The following SLC9C1 variants were observed in gnomAD, a reference collection of about 807,000 sequenced individuals.
SLC9C1 encodes the protein solute carrier family 9 member C1, also known as sodium/hydrogen exchanger 10.
Under a neutral mutation model 140.9 loss-of-function variants are expected in SLC9C1, and 97 were observed. The ratio of observed to expected loss-of-function variants is 0.69; its 90% CI spans 0.58 to 0.82. The LOEUF (loss-of-function observed/expected upper bound fraction) is 0.82. SLC9C1 is among the 40% of genes least tolerant of loss of function. SLC9C1 has a pLI of 0.00. For synonymous variants in SLC9C1, 440 were observed against 442.6 expected, an observed-to-expected ratio of 0.99 and a Z score of 0.07; for missense variants, 1,340 against 1,389.3, an observed-to-expected ratio of 0.96 and a Z score of 0.56.
At chr3:112,166,699 T>A (rs2077144154) in intron 26 of SLC9C1, among the ~76,000 whole-genome samples, 1 of 152,122 alleles carries the variant, frequency 6.6e-6, no homozygotes, top group Admixed American at 6.5e-5. Context: ...CAATAATTTT[T>A]AAATTTTTAA....
Position 112,280,787 on chromosome 3 carries a change from C to CA in SLC9C1, c.89-5dup. The CA allele has an allele frequency of 6.2e-7, 1 of 1,606,090 alleles. No homozygotes were observed. Among genetic ancestry groups the CA allele is most frequent in the East Asian group, 2.2e-5 (1 of 44,774 alleles). ...TCCAAGTGCCGGTTCAAAAATGCTG[C>CA]AAAAAATATGTTGTTACTGAAAGGC... is the stretch of plus-strand genomic sequence containing the variant. On this transcript the variant is annotated splice_region_variant and splice_polypyrimidine_tract_variant and intron_variant, in intron 2 of 28. Coordinates refer to ENST00000305815, the MANE Select transcript of SLC9C1 (RefSeq NM_183061.3).
At chr3:112,197,866 G>A (rs2077806348) in intron 20 of SLC9C1, among the ~76,000 whole-genome samples, 1 of 152,078 alleles carries the variant, frequency 6.6e-6, no homozygotes, top group Admixed American at 6.6e-5. Context: ...GATGATTCAT[G>A]CCTTAGATAT....
intron 12 of SLC9C1, among the ~76,000 whole-genome samples, chr3:112,233,093 G>A (rs914480623): frequency 1.5e-5 from 2 of 130,306 alleles, no homozygotes; most frequent in Non-Finnish European, 3.2e-5. Context: ...TTTTAAGAAA[G>A]GGTATCTCTT....
chr3:112,153,718 A>G (rs1157715984), intron 27 of SLC9C1, among the ~76,000 whole-genome samples: 1 of 152,188 alleles, frequency 6.6e-6, no homozygotes, highest in Admixed American at 6.6e-5. Context: ...AGATGAAAAA[A>G]TGATGCTTAT....
rs144629803 is a variant in SLC9C1, at chr3:112,187,279, T to C, written c.2524-5021A>G. ...AAGTGAGTAAAGATTTATTTTAATC[T>C]TTCATTATTCTCCCTTCTGTTATTT... On this transcript the variant is annotated intron_variant, in intron 20 of 28. Transcript: ENST00000305815. Among the ~76,000 whole-genome samples, 643 of 152,314 alleles carry C rather than the reference T, an allele frequency of 4.2e-3. 1 individual carries two copies. The highest frequency in any genetic ancestry group is 6.6e-3 in the Non-Finnish European group (449 of 68,004).
intron 12 of SLC9C1, among the ~76,000 whole-genome samples, chr3:112,237,348 C>T (rs2079016910): frequency 6.6e-6 from 1 of 151,550 alleles, no homozygotes; most frequent in Non-Finnish European, 1.5e-5. Flanking sequence ...TATTTTGAGC[C>T]TATGTGCACG....
chr3:112,254,376 C>G (rs2079545909), intron 10 of SLC9C1, among the ~76,000 whole-genome samples: 1 of 152,136 alleles, frequency 6.6e-6, no homozygotes, highest in African/African-American at 2.4e-5. Flanking sequence ...CCCCATCAGG[C>G]TAACAGTGGA....
intron 23 of SLC9C1, among the ~76,000 whole-genome samples, chr3:112,171,427 A>C (rs1396550775): frequency 4.6e-5 from 7 of 152,264 alleles, no homozygotes; most frequent in South Asian, 4.1e-4. Context: ...GTGTCTGTTC[A>C]CATTCTTTGC....
intron 22 of SLC9C1, 76 bp from the exon 23 acceptor site, chr3:112,179,777 C>G: frequency 7.6e-7 from 1 of 1,308,966 alleles, no homozygotes; most frequent in Non-Finnish European, 1.0e-6. Flanking sequence ...ATGACTTTTT[C>G]CACTTTGGTT....
chr3:112,214,147 T>G (rs1383490132), intron 15 of SLC9C1, among the ~76,000 whole-genome samples: 3 of 152,186 alleles, frequency 2.0e-5, no homozygotes, highest in Non-Finnish European at 4.4e-5. Flanking sequence ...ATAAAGATGT[T>G]CTTTGAAACC....
chr3:112,208,060 A>C, intron 16 of SLC9C1, 118 bp downstream of exon 16: 1 of 753,036 alleles, frequency 1.3e-6, no homozygotes, highest in Non-Finnish European at 2.0e-6. Flanking sequence ...TGGAGACGTG[A>C]GGAAGAAATT....
intron 28 of SLC9C1, among the ~76,000 whole-genome samples, chr3:112,143,819 C>G (rs748366416): frequency 6.6e-6 from 1 of 152,190 alleles, no homozygotes; most frequent in African/African-American, 2.4e-5. Context: ...AGGCCAGTGT[C>G]GAGAATAGTG....
chr3:112,204,963 C>G (rs192417916), intron 16 of SLC9C1, among the ~76,000 whole-genome samples: 1 of 152,018 alleles, frequency 6.6e-6, no homozygotes, highest in African/African-American at 2.4e-5. Flanking sequence ...TCTGGGATAA[C>G]GCAGAATAAG....
chr3:112,264,142 A>G (rs2079852331), intron 9 of SLC9C1, 58 bp downstream of exon 9: 10 of 788,370 alleles, frequency 1.3e-5, no homozygotes, highest in Admixed American at 9.3e-5. Context: ...TATTTAAAAG[A>G]TGACCTTCAA....
intron 10 of SLC9C1, among the ~76,000 whole-genome samples, chr3:112,262,665 T>C (rs56922152): frequency 1.3e-5 from 2 of 151,910 alleles, no homozygotes; most frequent in East Asian, 3.9e-4. Flanking sequence ...AATTAAAACA[T>C]TATTGAGTGC....
chr3:112,266,581 G>A (rs4264699), intron 7 of SLC9C1, among the ~76,000 whole-genome samples: 89,970 of 151,966 alleles, frequency 0.59, 27,145 homozygotes, highest in East Asian at 0.79. Flanking sequence ...GCACTGCTTC[G>A]CATACCCCAT....
chr3:112,161,697 G>T (rs1438479376), intron 26 of SLC9C1, among the ~76,000 whole-genome samples: 2 of 152,008 alleles, frequency 1.3e-5, no homozygotes, highest in Admixed American at 1.3e-4. Flanking sequence ...TTTGAAGTCA[G>T]GTAGCGTGAT....
chr3:112,238,369 T>C lies in SLC9C1; in HGVS notation c.1446+1471A>G, dbSNP rs964837569. 2.4e-4 allele frequency among the ~76,000 whole-genome samples: 37 copies of C among 152,220 alleles called. 1 individual carries two copies. The highest frequency in any genetic ancestry group is 2.9e-5 in the Non-Finnish European group (2 of 68,048). On this transcript the variant is annotated intron_variant, in intron 12 of 28. Transcript: ENST00000305815. ...AGTTAGCCATTCGTCTAATCTTTTT[T>C]CAAGTTTTTTAACTTCTCTGCGATG...
intron 28 of SLC9C1, among the ~76,000 whole-genome samples, chr3:112,145,247 GTGAACCACAGTTATTGATTTGCTGGATGT>G (rs139723142): frequency 0.19 from 28,799 of 151,998 alleles, 3,053 homozygotes; most frequent in Middle Eastern, 0.27. Context: ...TGTTTATGTG[GTGAACCACAGTTATTGATTTGCTGGATGT>G]TGAACCAGTC....
Sources: gnomAD v4.1 joint callset for allele counts (sites outside exome capture counted in the v4.1 genomes callset) on GRCh38, gnomAD v4.1.1 for gene constraint, MANE v1.5 for transcripts, NCBI Gene and HGNC (gene_info 2026-07-23, HGNC 2026-07-21) for gene names.